Variants in OSBPL6 observed in about 807,000 individuals in gnomAD.
The protein encoded by OSBPL6 is oxysterol-binding protein-related protein 6.
In OSBPL6, 49 loss-of-function variants were observed where a neutral mutation model predicts 125.8. The ratio of observed to expected loss-of-function variants is 0.39; its 90% confidence interval spans 0.31 to 0.49. OSBPL6 has a LOEUF of 0.49. OSBPL6 is among the 20% of genes least tolerant of loss of function. The pLI, the probability that OSBPL6 is intolerant of heterozygous loss-of-function variation, is 0.88. For missense variants in OSBPL6, 986 were observed against 1,135.4 expected, an observed-to-expected ratio of 0.87 and a Z score of 1.89; for synonymous variants, 394 against 391.8, an observed-to-expected ratio of 1.01 and a Z score of -0.07.
chr2:178,220,853 G>A (rs977563330), intron 1 of OSBPL6, among the ~76,000 whole-genome samples: 3 of 152,156 alleles, frequency 2.0e-5, no homozygotes, highest in Admixed American at 6.5e-5. Flanking sequence ...TATTCTCGTC[G>A]ATCTTGGATG....
chr2:178,395,175 TG>T (rs1191732105), intron 24 of OSBPL6, among the ~76,000 whole-genome samples: 6 of 152,182 alleles, frequency 3.9e-5, no homozygotes, highest in African/African-American at 1.4e-4. Context: ...TATGCTTTAT[TG>T]GGGGCTATTT....
intron 1 of OSBPL6, among the ~76,000 whole-genome samples, chr2:178,220,669 C>T (rs2153968964): frequency 6.6e-6 from 1 of 152,272 alleles, no homozygotes; most frequent in East Asian, 1.9e-4. Context: ...TCTCATAGTA[C>T]ACATCCTTAT....
chr2:178,229,090 G>A (rs905585975), intron 1 of OSBPL6, among the ~76,000 whole-genome samples: 10 of 152,192 alleles, frequency 6.6e-5, no homozygotes, highest in Non-Finnish European at 1.5e-4. Flanking sequence ...ATGGGAGCAT[G>A]TGTGTGTAAA....
chr2:178,344,985 GT>G (rs536206180), intron 11 of OSBPL6, among the ~76,000 whole-genome samples: 1 of 151,380 alleles, frequency 6.6e-6, no homozygotes, highest in Non-Finnish European at 1.5e-5. Flanking sequence ...ATATCTAGAG[GT>G]TTTTTTTTCT....
At position 178,303,780 on chromosome 2, in the gene OSBPL6, G is replaced by A. The variant is rs766243697; in HGVS notation, c.-155-2250G>A. 5.9e-5 allele frequency among the ~76,000 whole-genome samples: 9 copies of A among 151,914 alleles called. No individual in the cohort carries two copies. In the East Asian group the frequency reaches 9.6e-4, roughly 16 times the overall value. ...GATTTAGCCTCAACCCTGCCTCCCC[G>A]ACCATGTCCAGTCACAGGACACAGG... is the stretch of plus-strand genomic sequence containing the variant. On this transcript the variant is annotated intron_variant, in intron 2 of 24. Transcript: ENST00000190611.
At chr2:178,259,840 G>A (rs13402888) in intron 1 of OSBPL6, among the ~76,000 whole-genome samples, 6,821 of 152,248 alleles carry the variant, frequency 0.045, 498 homozygotes, top group African/African-American at 0.15. Context: ...TTGGAGAGAA[G>A]AGAGTCCAAA....
rs953473421 is a variant in OSBPL6 at position 178,315,904 on chromosome 2, T to C, written c.103-8273T>C. 5.3e-5 allele frequency among the ~76,000 whole-genome samples: 8 copies of C among 152,190 alleles called. 1 individual carries two copies. The highest frequency in any genetic ancestry group is 4.6e-4 in the Admixed American group (7 of 15,270). On this transcript the variant is annotated intron_variant, in intron 3 of 24. Coordinates refer to ENST00000190611, the MANE Select transcript of OSBPL6 (RefSeq NM_032523.4). The stretch of plus-strand genomic sequence containing the variant: ...ACAGAGAACATTTTTAGGTGTTTCA[T>C]TAGAACTATAAAAACGTCATCCCAA...
chr2:178,327,388 T>TTA, intron 4 of OSBPL6, among the ~76,000 whole-genome samples: 2 of 152,252 alleles, frequency 1.3e-5, no homozygotes, highest in South Asian at 4.1e-4. Flanking sequence ...TCCAGAGATA[T>TTA]TATCCATGGA....
chr2:178,293,111 G>A (rs1418673979), intron 2 of OSBPL6, among the ~76,000 whole-genome samples: 2 of 151,676 alleles, frequency 1.3e-5, no homozygotes, highest in Non-Finnish European at 2.9e-5. Flanking sequence ...TCGGGTAAAG[G>A]GTGTATGGGA....
At chr2:178,379,285 A>AAAGAAAGAAAGAAGAAAGAAAG (rs201460212) in intron 15 of OSBPL6, among the ~76,000 whole-genome samples, 2 of 141,808 alleles carry the variant, frequency 1.4e-5, no homozygotes, top group African/African-American at 2.6e-5. Flanking sequence ...GAAAGAAAGA[A>AAAGAAAGAAAGAAGAAAGAAAG]AAGAAAGAAA....
At chr2:178,204,561 C>A (rs938603960) in intron 1 of OSBPL6, among the ~76,000 whole-genome samples, 11 of 152,218 alleles carry the variant, frequency 7.2e-5, no homozygotes, top group Non-Finnish European at 1.3e-4. Flanking sequence ...GGATCACTGT[C>A]TTTTGTTGCC....
chr2:178,234,398 T>C (rs1559143968), intron 1 of OSBPL6, among the ~76,000 whole-genome samples: 1 of 150,446 alleles, frequency 6.6e-6, no homozygotes, highest in Non-Finnish European at 1.5e-5. Flanking sequence ...TTGTTACCAG[T>C]GAGAGAGAGA....
chr2:178,337,995 G>A (rs1217238082), intron 9 of OSBPL6, among the ~76,000 whole-genome samples: 3 of 138,840 alleles, frequency 2.2e-5, no homozygotes, highest in Non-Finnish European at 4.5e-5. Context: ...AGGCTGGAGT[G>A]CAATGGTGCT....
chr2:178,387,414 A>G (rs1331626010), intron 20 of OSBPL6, among the ~76,000 whole-genome samples: 1 of 152,222 alleles, frequency 6.6e-6, no homozygotes, highest in African/African-American at 2.4e-5. Context: ...TTGATTGTAT[A>G]TAAAAGGTTC....
At chr2:178,342,265 A>T in intron 11 of OSBPL6, among the ~76,000 whole-genome samples, 1 of 152,148 alleles carries the variant, frequency 6.6e-6, no homozygotes, top group South Asian at 2.1e-4. Context: ...TGCCCAGACC[A>T]TTCAGTGGTG....
intron 3 of OSBPL6, among the ~76,000 whole-genome samples, chr2:178,318,201 T>C (rs1381674534): frequency 2.0e-5 from 3 of 152,202 alleles, no homozygotes; most frequent in Non-Finnish European, 4.4e-5. Context: ...ACTTGATGGG[T>C]CCACATGGTA....
intron 2 of OSBPL6, among the ~76,000 whole-genome samples, chr2:178,302,471 AC>A (rs1686383711): frequency 2.0e-5 from 3 of 152,282 alleles, no homozygotes; most frequent in African/African-American, 4.8e-5. Context: ...GTTTAGACTT[AC>A]TTTTATAATG....
chr2:178,353,116 G>C (rs1691439108), intron 12 of OSBPL6, among the ~76,000 whole-genome samples: 1 of 152,224 alleles, frequency 6.6e-6, no homozygotes. Context: ...ACCAAAGGTA[G>C]ATAAAACCAC....
chr2:178,361,591 A>C (rs773715837), intron 12 of OSBPL6, 91 bp from the exon 13 acceptor site: 971 of 1,493,866 alleles, frequency 6.5e-4, no homozygotes, highest in Non-Finnish European at 8.5e-4. Context: ...AAAAATGCCT[A>C]TTTGTGAGTG....
Sources: allele counts gnomAD v4.1 joint callset (sites outside exome capture counted in the v4.1 genomes callset), GRCh38; gene constraint gnomAD v4.1.1; transcripts MANE v1.5; gene names NCBI Gene and HGNC (gene_info 2026-07-23, HGNC 2026-07-21).